Variants in CAPRIN1 observed in about 807,000 individuals in gnomAD.
The protein encoded by CAPRIN1 is caprin-1.
In CAPRIN1, 29 loss-of-function variants were observed where a neutral mutation model predicts 100.9. That is an observed-to-expected ratio of 0.29 (90% confidence interval 0.21 to 0.39). CAPRIN1 has a LOEUF of 0.39. Ranked by LOEUF, CAPRIN1 falls within the 10% of genes least tolerant of loss-of-function variation. The pLI, the probability that CAPRIN1 is intolerant of heterozygous loss-of-function variation, is 1.00. For synonymous variants in CAPRIN1, 338 were observed against 307.5 expected, an observed-to-expected ratio of 1.10 and a Z score of -1.04; for missense variants, 795 against 876.7, an observed-to-expected ratio of 0.91 and a Z score of 1.18.
rs766081668 is a variant in CAPRIN1 at position 34,052,494 on chromosome 11, G to C, written c.74G>C (p.Gly25Ala). The change falls in exon 2 of 19, where the codon GGG becomes GCG. Residue 25 changes from glycine (G) to alanine (A), a missense_variant. Physicochemically the swap from Gly to Ala is moderately conservative, Grantham distance 60. This residue lies in a region of CAPRIN1 where 109 missense variants were observed against 86.6 expected (regional missense o/e 1.26). Coordinates refer to ENST00000341394, the MANE Select transcript of CAPRIN1 (RefSeq NM_005898.5). Reference protein sequence around the residue: ...SGPPPPSGSSGSEAAAGAGAA... With the variant: ...SGPPPPSGSSASEAAAGAGAA... ...CCGCCACCGCCGTCGGGTTCCTCCG[G>C]GAGTGAGGCGGCCGCGGGAGCCGGG... is the stretch of plus-strand genomic sequence containing the variant. 2 of 1,606,574 alleles carry C rather than the reference G, an allele frequency of 1.2e-6. No homozygotes were observed. The highest frequency in any genetic ancestry group is 1.7e-6 in the Non-Finnish European group (2 of 1,177,692).
At chr11:34,084,094 A>T (rs983885410) in intron 9 of CAPRIN1, among the ~76,000 whole-genome samples, 2 of 151,678 alleles carry the variant, frequency 1.3e-5, no homozygotes, top group Non-Finnish European at 2.9e-5. Context: ...TTCCAAAGAG[A>T]TTGCAAAGTT....
chr11:34,097,350 G>T, intron 17 of CAPRIN1, 54 bp downstream of exon 17: 1 of 1,352,416 alleles, frequency 7.4e-7, no homozygotes, highest in South Asian at 1.2e-5. Context: ...CAATGAAAGT[G>T]ACTTAGTGTT....
rs1277485701 is a variant in CAPRIN1, at chr11:34,101,884, C to G, written c.*2517C>G. ...CACTGTAGCCTCTTGGTGTAGCAAG[C>G]TCACATACAAAATACTTTTGTATAT... is the stretch of plus-strand genomic sequence containing the variant. On this transcript the variant is annotated 3_prime_UTR_variant, in exon 19 of 19. Transcript: ENST00000341394. Among the ~76,000 whole-genome samples, 1 of 152,070 alleles carries G rather than the reference C, an allele frequency of 6.6e-6. No homozygotes were observed.
chr11:34,099,340 G>A lies in CAPRIN1; in HGVS notation c.2103G>A (p.Pro701=), dbSNP rs750707044. The A allele has an allele frequency of 2.5e-6, 4 of 1,613,368 alleles. No homozygotes were observed. The highest frequency in any genetic ancestry group is 2.2e-5 in the South Asian group (2 of 91,060). Residue 701 remains proline (P), a synonymous_variant, in exon 19 of 19, where the codon CCG becomes CCA. Transcript: ENST00000341394. ...GGPPRPNRGM[P]QMNTQQVN is the part of the protein sequence containing the mutation. Reference sequence around the variant, plus strand: ...CCCCAAGACCCAACAGAGGGATGCCGCAAATGAACACTCAGCAAGTGAATT... The same window carrying A: ...CCCCAAGACCCAACAGAGGGATGCCACAAATGAACACTCAGCAAGTGAATT...
chr11:34,076,233 C>T lies in CAPRIN1; in HGVS notation c.367-3C>T, dbSNP rs1850904515. 2 of 1,599,990 alleles carry T rather than the reference C, an allele frequency of 1.3e-6. No individual in the cohort carries two copies. Among genetic ancestry groups the T allele is most frequent in the Non-Finnish European group, 1.7e-6 (2 of 1,168,886 alleles). ...GGTGTTTTACTTTTATATTGTTTTG[C>T]AGATTCAGAAAACAATAAAGAAGAC... On this transcript the variant is annotated splice_polypyrimidine_tract_variant and splice_region_variant and intron_variant, in intron 4 of 18. Coordinates refer to ENST00000341394, the MANE Select transcript of CAPRIN1 (RefSeq NM_005898.5).
intron 2 of CAPRIN1, among the ~76,000 whole-genome samples, chr11:34,061,406 T>C (rs1343508041): frequency 6.6e-6 from 1 of 151,752 alleles, no homozygotes; most frequent in Non-Finnish European, 1.5e-5. Flanking sequence ...CCAGGTTTCA[T>C]CATGTTGCCC....
In CAPRIN1 at chr11:34,100,519, C is replaced by T. The variant is rs142294812; in HGVS notation, c.*1152C>T. ...CGTTTATAAAAGTTGTATCTTGAAA[C>T]ACTGGTGTTCAACAGCTAGCAGCTT... is the stretch of plus-strand genomic sequence containing the variant. On this transcript the variant is annotated 3_prime_UTR_variant, in exon 19 of 19. Coordinates refer to ENST00000341394, the MANE Select transcript of CAPRIN1 (RefSeq NM_005898.5). 2.8e-4 allele frequency: 43 copies of T among 152,280 alleles called. No homozygotes were observed. In the East Asian group the frequency reaches 3.9e-3, roughly 14 times the overall value. 9.4% of individuals were successfully genotyped at this position (152,280 alleles called of 1,614,324 possible). A position where few individuals can be genotyped will look rare whatever the true frequency, so the allele number is the denominator to read the frequency against.
At chr11:34,077,902 G>T (rs1850937324) in intron 6 of CAPRIN1, among the ~76,000 whole-genome samples, 1 of 152,062 alleles carries the variant, frequency 6.6e-6, no homozygotes. Flanking sequence ...TTTTAGTTCT[G>T]CAAGTTCTAT....
intron 2 of CAPRIN1, chr11:34,053,323 A>C: frequency 1.0e-5 from 2 of 197,480 alleles, no homozygotes; most frequent in African/African-American, 2.4e-5. Flanking sequence ...GCTCAGCTCA[A>C]TCGCGAGATG....
intron 3 of CAPRIN1, 42 bp downstream of exon 3, chr11:34,071,830 A>G (rs1441926595): frequency 1.3e-6 from 2 of 1,585,254 alleles, no homozygotes; most frequent in African/African-American, 1.3e-5. Flanking sequence ...AATGCTCACT[A>G]TTTTAAAGAC....
At position 34,086,116 on chromosome 11, in the gene CAPRIN1, A is replaced by C; in HGVS notation, c.1019A>C (p.Glu340Ala). ...QPQAASPSVP[E>A]PHSLTPVAQA... Reference sequence around the variant, plus strand: ...CAGGCTGCATCCCCTTCAGTACCAGAGCCCCACTCTTTGACTCCAGTGGCT... The same window carrying C: ...CAGGCTGCATCCCCTTCAGTACCAGCGCCCCACTCTTTGACTCCAGTGGCT... The change falls in exon 10 of 19, where the codon GAG becomes GCG. Residue 340 changes from glutamate to alanine, a missense_variant. Transcript: ENST00000341394. The C allele has an allele frequency of 5.0e-6, 8 of 1,614,074 alleles. No homozygotes were observed. The highest frequency in any genetic ancestry group is 6.8e-6 in the Non-Finnish European group (8 of 1,179,992).
intron 2 of CAPRIN1, among the ~76,000 whole-genome samples, chr11:34,061,200 C>CTTTTTTT (rs770158492): frequency 1.2e-4 from 12 of 102,828 alleles, no homozygotes; most frequent in African/African-American, 1.9e-4. Flanking sequence ...AGGTAACATC[C>CTTTTTTT]TTTTTTTTTT....
chr11:34,089,348 T>TA, intron 11 of CAPRIN1, 47 bp from the exon 12 acceptor site: 1 of 1,057,122 alleles, frequency 9.5e-7, no homozygotes, highest in Non-Finnish European at 1.4e-6. Flanking sequence ...CGCGTCTCTC[T>TA]AAAAATTTAA....
chr11:34,083,398 C>G (rs1222291636), intron 9 of CAPRIN1, among the ~76,000 whole-genome samples: 1 of 152,188 alleles, frequency 6.6e-6, no homozygotes, highest in Non-Finnish European at 1.5e-5. Context: ...TACCCTAATG[C>G]TGTTTGGTCA....
intron 15 of CAPRIN1, among the ~76,000 whole-genome samples, chr11:34,094,904 CAG>C (rs1406339536): frequency 4.6e-5 from 7 of 152,110 alleles, no homozygotes; most frequent in South Asian, 2.1e-4. Context: ...TTTTTTGAGA[CAG>C]AGTCTTGCTC....
chr11:34,098,416 T>C (rs1331231912), intron 18 of CAPRIN1: 1 of 985,284 alleles, frequency 1.0e-6, no homozygotes, highest in Non-Finnish European at 1.2e-6. Context: ...TACTTCCCAT[T>C]TTGGCAGGAA....
At chr11:34,062,972 G>C (rs1489985490) in intron 2 of CAPRIN1, 1 of 151,518 alleles carries the variant, frequency 6.6e-6, no homozygotes, top group Non-Finnish European at 1.5e-5. Flanking sequence ...ATCTCTCTTT[G>C]CTATTTATTT....
At chr11:34,052,346 T>A in intron 1 of CAPRIN1, 75 bp from the exon 2 acceptor site, 1 of 1,219,368 alleles carries the variant, frequency 8.2e-7, no homozygotes, top group Middle Eastern at 2.7e-4. Context: ...GTCCCGCGTC[T>A]CGCCCCGTCC....
chr11:34,082,733 A>G (rs530716524), intron 7 of CAPRIN1, 92 bp from the exon 8 acceptor site: 2 of 855,064 alleles, frequency 2.3e-6, no homozygotes, highest in Admixed American at 4.3e-5. Flanking sequence ...GGACAAATGC[A>G]TAATGACGTG....
Sources: gnomAD v4.1 joint callset for allele counts (sites outside exome capture counted in the v4.1 genomes callset) on GRCh38, gnomAD v4.1.1 for gene constraint, gnomAD v4.1.1 regional missense constraint, MANE v1.5 for transcripts, NCBI Gene and HGNC (gene_info 2026-07-23, HGNC 2026-07-21) for gene names.